The following PAK5 variants were observed in gnomAD, a reference collection of about 807,000 sequenced individuals.
PAK5 encodes p21 (RAC1) activated kinase 5, also known as serine/threonine-protein kinase PAK 5.
A neutral mutation model predicts 65.9 loss-of-function variants in PAK5; 16 were observed. That is an observed-to-expected ratio of 0.24 (90% CI 0.16 to 0.37). The LOEUF (loss-of-function observed/expected upper bound fraction) is 0.37. Ranked by LOEUF, PAK5 falls within the 10% of genes least tolerant of loss-of-function variation. PAK5 has a pLI of 1.00. For synonymous variants in PAK5, 371 were observed against 354.9 expected, an observed-to-expected ratio of 1.05 and a Z score of -0.51; for missense variants, 785 against 903.9, an observed-to-expected ratio of 0.87 and a Z score of 1.69.
At chr20:9,740,517 C>T (rs776221854) in intron 1 of PAK5, among the ~76,000 whole-genome samples, 6 of 152,286 alleles carry the variant, frequency 3.9e-5, no homozygotes, top group South Asian at 2.1e-4. Flanking sequence ...TTCTCTACCC[C>T]GTGTGACTTG....
intron 2 of PAK5, among the ~76,000 whole-genome samples, chr20:9,646,432 T>C (rs942308385): frequency 3.3e-5 from 5 of 152,202 alleles, no homozygotes; most frequent in South Asian, 2.1e-4. Context: ...TTCAACTACC[T>C]TGATATATTA....
At chr20:9,609,039 A>C (rs1236267954) in intron 3 of PAK5, among the ~76,000 whole-genome samples, 2 of 152,208 alleles carry the variant, frequency 1.3e-5, no homozygotes, top group Non-Finnish European at 2.9e-5. Context: ...GGAACATATG[A>C]ATTCAACCCC....
At chr20:9,823,209 T>G (rs1424454781) in intron 1 of PAK5, among the ~76,000 whole-genome samples, 2 of 152,206 alleles carry the variant, frequency 1.3e-5, no homozygotes, top group Non-Finnish European at 2.9e-5. Flanking sequence ...GATGCCATCT[T>G]GAACAGAGGA....
intron 3 of PAK5, among the ~76,000 whole-genome samples, chr20:9,582,683 G>C (rs1480960677): frequency 6.6e-6 from 1 of 152,142 alleles, no homozygotes; most frequent in Non-Finnish European, 1.5e-5. Context: ...TCTTGGGTGT[G>C]TGTGTGTGGT....
intron 2 of PAK5, among the ~76,000 whole-genome samples, chr20:9,693,958 A>G (rs2047832473): frequency 6.6e-6 from 1 of 151,826 alleles, no homozygotes; most frequent in Non-Finnish European, 1.5e-5. Flanking sequence ...TTCAAATCTC[A>G]TGGTCTATAG....
chr20:9,706,474 T>C (rs1463103873), intron 2 of PAK5, among the ~76,000 whole-genome samples: 1 of 144,246 alleles, frequency 6.9e-6, no homozygotes, highest in African/African-American at 2.7e-5. Flanking sequence ...ACAAACTCTT[T>C]TTTTTTTTTT....
chr20:9,824,093 A>G (rs975173539), intron 1 of PAK5, among the ~76,000 whole-genome samples: 2 of 152,334 alleles, frequency 1.3e-5, no homozygotes, highest in Non-Finnish European at 2.9e-5. Flanking sequence ...CTGCTCAATC[A>G]TTGTTTTAAC....
At chr20:9,645,840 C>A (rs1168414680) in intron 2 of PAK5, among the ~76,000 whole-genome samples, 1 of 152,184 alleles carries the variant, frequency 6.6e-6, no homozygotes, top group Non-Finnish European at 1.5e-5. Flanking sequence ...CCCGCCTCGG[C>A]CTCCCAAAGT....
chr20:9,668,900 A>G (rs1022946725), intron 2 of PAK5, among the ~76,000 whole-genome samples: 2 of 152,238 alleles, frequency 1.3e-5, no homozygotes, highest in Non-Finnish European at 2.9e-5. Flanking sequence ...AGGAGCCTGC[A>G]TGCAGATCAG....
intron 2 of PAK5, among the ~76,000 whole-genome samples, chr20:9,684,695 G>C (rs1290632260): frequency 1.3e-5 from 2 of 152,084 alleles, no homozygotes; most frequent in African/African-American, 4.8e-5. Flanking sequence ...TGACCAAACT[G>C]ATTACACTCA....
At chr20:9,696,458 T>C (rs180929902) in intron 2 of PAK5, among the ~76,000 whole-genome samples, 198 of 152,244 alleles carry the variant, frequency 1.3e-3, no homozygotes, top group African/African-American at 4.5e-3. Flanking sequence ...TACTGTCTTG[T>C]CTGAAGCAGA....
intron 3 of PAK5, among the ~76,000 whole-genome samples, chr20:9,586,822 A>G (rs1019040678): frequency 6.6e-6 from 1 of 152,192 alleles, no homozygotes; most frequent in Non-Finnish European, 1.5e-5. Flanking sequence ...AAATATTAAT[A>G]CTGCTATAAG....
intron 2 of PAK5, among the ~76,000 whole-genome samples, chr20:9,679,002 G>A (rs1369170541): frequency 6.6e-6 from 1 of 152,076 alleles, no homozygotes; most frequent in East Asian, 1.9e-4. Context: ...AACTGCATGT[G>A]TTCACCTAGA....
intron 2 of PAK5, among the ~76,000 whole-genome samples, chr20:9,663,063 G>T (rs1389988123): frequency 6.6e-6 from 1 of 152,192 alleles, no homozygotes; most frequent in Non-Finnish European, 1.5e-5. Context: ...TCAGTCAATA[G>T]AGTTGTTAAT....
At position 9,800,768 on chromosome 20, in the gene PAK5, A is replaced by G. The variant is rs906951856; in HGVS notation, c.-162+37994T>C. On this transcript the variant is annotated intron_variant, in intron 1 of 9. Coordinates refer to ENST00000353224, the MANE Select transcript of PAK5 (RefSeq NM_177990.4). Reference sequence around the variant, plus strand: ...CCTGCTGCCAGCCTGCTCTTTTCCTAAAGAGATTAACCCAACATCACAAAC... The same window carrying G: ...CCTGCTGCCAGCCTGCTCTTTTCCTGAAGAGATTAACCCAACATCACAAAC... 5.3e-5 allele frequency among the ~76,000 whole-genome samples: 8 copies of G among 152,126 alleles called. No individual in the cohort carries two copies. The East Asian group carries it at 1.6e-3, about 29-fold the overall frequency.
At chr20:9,740,592 T>A (rs1350569205) in intron 1 of PAK5, among the ~76,000 whole-genome samples, 1 of 152,200 alleles carries the variant, frequency 6.6e-6, no homozygotes, top group Non-Finnish European at 1.5e-5. Context: ...ACCTATGTGT[T>A]TTCTCTTGTG....
intron 3 of PAK5, among the ~76,000 whole-genome samples, chr20:9,642,479 T>C (rs2047082330): frequency 6.6e-6 from 1 of 152,214 alleles, no homozygotes; most frequent in Admixed American, 6.5e-5. Flanking sequence ...TCTTTCCCCA[T>C]GGTGATAAAT....
intron 1 of PAK5, among the ~76,000 whole-genome samples, chr20:9,804,233 A>G (rs1427817645): frequency 6.6e-6 from 1 of 152,200 alleles, no homozygotes; most frequent in Admixed American, 6.5e-5. Context: ...TTGACCCCAG[A>G]GTCACATGGT....
intron 9 of PAK5, among the ~76,000 whole-genome samples, chr20:9,540,799 C>T (rs575354133): frequency 2.5e-4 from 38 of 149,760 alleles, no homozygotes; most frequent in East Asian, 2.0e-3. Flanking sequence ...TGCAGTGGTG[C>T]GATCTGGGCT....
Sources: allele counts gnomAD v4.1 joint callset (sites outside exome capture counted in the v4.1 genomes callset), GRCh38; gene constraint gnomAD v4.1.1; transcripts MANE v1.5; gene names NCBI Gene and HGNC (gene_info 2026-07-23, HGNC 2026-07-21).